The following ADAM18 variants were observed in gnomAD, a reference collection of about 807,000 sequenced individuals.
ADAM18 encodes disintegrin and metalloproteinase domain-containing protein 18.
Under a neutral mutation model 94.4 loss-of-function variants are expected in ADAM18, and 117 were observed. The observed-to-expected ratio is 1.24, with a 90% CI of 1.07 to 1.45. ADAM18 has a LOEUF of 1.45. Ranked by LOEUF, ADAM18 falls within the 40% of genes most tolerant of loss-of-function variation. ADAM18 has a pLI of 0.00. For synonymous variants in ADAM18, 327 were observed against 291.6 expected (o/e 1.12, Z -1.24); for missense variants, 936 against 880.0 (o/e 1.06, Z -0.81).
intron 4 of ADAM18, 57 bp from the exon 5 acceptor site, chr8:39,609,428 A>T: frequency 1.7e-6 from 2 of 1,176,906 alleles, no homozygotes; most frequent in Non-Finnish European, 2.5e-6. Flanking sequence ...CATGTTTGAC[A>T]ATACATTTTT....
At chr8:39,657,503 A>G (rs1820721317) in intron 12 of ADAM18, among the ~76,000 whole-genome samples, 1 of 152,024 alleles carries the variant, frequency 6.6e-6, no homozygotes, top group Non-Finnish European at 1.5e-5. Context: ...TTTGGTACAG[A>G]TGAGATTTTG....
At chr8:39,609,860 A>C (rs930896617) in intron 5 of ADAM18, among the ~76,000 whole-genome samples, 2 of 152,152 alleles carry the variant, frequency 1.3e-5, no homozygotes, top group Admixed American at 6.5e-5. Flanking sequence ...TAGTTATGGA[A>C]AATGGCATTA....
At position 39,610,704 on chromosome 8, in the gene ADAM18, C is replaced by T; in HGVS notation, c.520C>T (p.Gln174Ter). 1.6e-5 allele frequency: 25 copies of T among 1,612,068 alleles called. No homozygotes were observed. Among genetic ancestry groups the T allele is most frequent in the Non-Finnish European group, 2.1e-5 (25 of 1,179,090 alleles). ...DQPYKVPLNS[Q>*]IKNLSKLLPQ... ...GCCCTACAAAGTTCCTTTAAACTCA[C>T]AGGTGACTGTCATCATTCTGATGTT... Residue 174 changes from glutamine (Q) to a stop codon, truncating the protein, a stop_gained and splice_region_variant, in exon 6 of 20, where the codon CAG (glutamine) becomes TAG (stop). Coordinates refer to ENST00000265707, the MANE Select transcript of ADAM18 (RefSeq NM_014237.3). LOFTEE classifies it high-confidence loss of function.
intron 18 of ADAM18, among the ~76,000 whole-genome samples, chr8:39,707,887 T>C (rs555524872): frequency 1.3e-5 from 2 of 152,194 alleles, no homozygotes; most frequent in Non-Finnish European, 2.9e-5. Flanking sequence ...CTTTGGCATA[T>C]ACAAATTGAT....
chr8:39,585,881 A>G (rs1282067653), intron 2 of ADAM18, among the ~76,000 whole-genome samples: 1 of 152,222 alleles, frequency 6.6e-6, no homozygotes, highest in African/African-American at 2.4e-5. Context: ...GAAAATTACT[A>G]ACCTGCCTGC....
chr8:39,630,509 A>G lies in ADAM18; in HGVS notation c.588+1070A>G, dbSNP rs531697054. The stretch of plus-strand genomic sequence containing the variant: ...TGAATGACTAGCATTTAGCAGATAA[A>G]TATAATACAATCAGGTAGATCCAAA... On this transcript the variant is annotated intron_variant, in intron 7 of 19. Coordinates refer to ENST00000265707, the MANE Select transcript of ADAM18 (RefSeq NM_014237.3). Among the ~76,000 whole-genome samples, 8 of 152,042 alleles carry G rather than the reference A, an allele frequency of 5.3e-5. No individual in the cohort carries two copies. In the South Asian group the frequency reaches 1.7e-3, roughly 32 times the overall value.
intron 2 of ADAM18, among the ~76,000 whole-genome samples, chr8:39,588,731 G>A (rs537467686): frequency 1.4e-4 from 21 of 152,234 alleles, no homozygotes; most frequent in Non-Finnish European, 2.2e-4. Flanking sequence ...TTGCAAGCAC[G>A]CCTGCAATTG....
chr8:39,685,118 G>A (rs990809000), intron 16 of ADAM18: 20 of 152,230 alleles, frequency 1.3e-4, no homozygotes, highest in African/African-American at 4.8e-4. Flanking sequence ...CAGTGTCTGA[G>A]GGATTTTGTC....
chr8:39,714,514 T>C (rs1397398884), intron 18 of ADAM18, among the ~76,000 whole-genome samples: 1 of 152,100 alleles, frequency 6.6e-6, no homozygotes, highest in Non-Finnish European at 1.5e-5. Context: ...CTATGTTGTC[T>C]ACAAGAAGCA....
At position 39,648,648 on chromosome 8, in the gene ADAM18, A is replaced by G; in HGVS notation, c.1230+121A>G. On this transcript the variant is annotated intron_variant, in intron 12 of 19. Coordinates refer to ENST00000265707, the MANE Select transcript of ADAM18 (RefSeq NM_014237.3). ...AATGCCATTAATTTATAACTGAAATATGAGAAACAGGATGAGTTAAGATGT... is the reference window on the plus strand; with the variant it reads ...AATGCCATTAATTTATAACTGAAATGTGAGAAACAGGATGAGTTAAGATGT... 3 of 942,056 alleles carry G rather than the reference A, an allele frequency of 3.2e-6. No individual in the cohort carries two copies. The South Asian group carries it at 6.8e-5, about 21-fold the overall frequency. The allele number at this position is 942,056 out of a possible 1,614,324, so 58.4% of individuals were successfully genotyped here.
At chr8:39,598,660 C>T (rs1048844356) in intron 2 of ADAM18, among the ~76,000 whole-genome samples, 9 of 149,872 alleles carry the variant, frequency 6.0e-5, no homozygotes, top group Admixed American at 2.7e-4. Context: ...CCCAGCTACT[C>T]GGGAGGCTGA....
rs1458635186 is a variant in ADAM18 at position 39,701,513 on chromosome 8, GA to G, written c.1903-5274del. 3.3e-5 allele frequency among the ~76,000 whole-genome samples: 5 copies of G among 152,200 alleles called. No individual in the cohort carries two copies. In the East Asian group the frequency reaches 9.7e-4, roughly 29 times the overall value. On this transcript the variant is annotated intron_variant, in intron 17 of 19. Transcript: ENST00000265707. ...TCATTTTAAGTTCAAGGGTACGTGT[GA>G]AAGGATGTGCAGTTTTGTTACATAG...
At chr8:39,729,840 A>T in intron 19 of ADAM18, 58 bp from the exon 20 acceptor site, 1 of 1,420,066 alleles carries the variant, frequency 7.0e-7, no homozygotes, top group Non-Finnish European at 9.9e-7. Context: ...AAAATAGGCA[A>T]TTGGCTACTA....
In ADAM18 at chr8:39,646,267, A is replaced by G. The variant is rs7826793; in HGVS notation, c.1046+793A>G. 6.0e-3 allele frequency among the ~76,000 whole-genome samples: 908 copies of G among 152,248 alleles called. 5 individuals are homozygous for G. The highest frequency in any genetic ancestry group is 0.021 in the African/African-American group (863 of 41,542). On this transcript the variant is annotated intron_variant, in intron 11 of 19. Transcript: ENST00000265707. Reference sequence around the variant, plus strand: ...ATACATGATTGTCTACCTTGGTGCTATCCAATAGAAATAAAATGTGAGTCA... The same window carrying G: ...ATACATGATTGTCTACCTTGGTGCTGTCCAATAGAAATAAAATGTGAGTCA...
At chr8:39,699,144 G>A (rs546270925) in intron 17 of ADAM18, among the ~76,000 whole-genome samples, 4 of 151,968 alleles carry the variant, frequency 2.6e-5, no homozygotes, top group Admixed American at 2.6e-4. Context: ...AATTGGTAAG[G>A]GCCTCTTTGA....
intron 18 of ADAM18, among the ~76,000 whole-genome samples, chr8:39,715,984 A>G (rs2129581602): frequency 6.6e-6 from 1 of 152,158 alleles, no homozygotes; most frequent in Middle Eastern, 3.4e-3. Flanking sequence ...AGAAGACTTC[A>G]CGAGGACGGG....
intron 18 of ADAM18, among the ~76,000 whole-genome samples, chr8:39,714,304 G>A (rs1224939084): frequency 6.6e-6 from 1 of 152,064 alleles, no homozygotes; most frequent in African/African-American, 2.4e-5. Context: ...TGGGGGACTG[G>A]GTGAGGGATA....
intron 9 of ADAM18, among the ~76,000 whole-genome samples, 194 bp from the exon 10 acceptor site, chr8:39,638,271 G>T (rs1394813298): frequency 6.6e-6 from 1 of 150,996 alleles, no homozygotes; most frequent in East Asian, 1.9e-4. Context: ...ATTGATTAAA[G>T]TCAATGATTT....
chr8:39,661,910 T>C lies in ADAM18; in HGVS notation c.1231-1885T>C, dbSNP rs1385300777. On this transcript the variant is annotated intron_variant, in intron 12 of 19. Transcript: ENST00000265707. ...GACTACCTAGAACATATCCGTAGTGTTACAAATTAGGCTTATTTTATATAT... is the reference window on the plus strand; with the variant it reads ...GACTACCTAGAACATATCCGTAGTGCTACAAATTAGGCTTATTTTATATAT... 2.0e-5 allele frequency among the ~76,000 whole-genome samples: 3 copies of C among 150,524 alleles called. No individual in the cohort carries two copies. The East Asian group carries it at 5.8e-4, about 29-fold the overall frequency.
Sources: gnomAD v4.1 joint callset for allele counts (sites outside exome capture counted in the v4.1 genomes callset) on GRCh38, gnomAD v4.1.1 for gene constraint, MANE v1.5 for transcripts, NCBI Gene and HGNC (gene_info 2026-07-23, HGNC 2026-07-21) for gene names.